The following CADM2 variants were observed in gnomAD, a reference collection of about 807,000 sequenced individuals.
The protein encoded by CADM2 is cell adhesion molecule 2.
CADM2 carries 12 observed loss-of-function variants against 49.8 expected under a neutral mutation model. The ratio of observed to expected loss-of-function variants is 0.24; its 90% confidence interval spans 0.15 to 0.39. The LOEUF is 0.39. CADM2 is among the 10% of genes least tolerant of loss of function. The pLI is 1.00. For missense variants in CADM2, 378 were observed against 492.3 expected (o/e 0.77, Z 2.20); for synonymous variants, 214 against 175.4 (o/e 1.22, Z -1.74).
chr3:85,328,605 G>T (rs2044820464), intron 1 of CADM2, among the ~76,000 whole-genome samples: 1 of 152,078 alleles, frequency 6.6e-6, no homozygotes, highest in African/African-American at 2.4e-5. Flanking sequence ...TTAATACAAA[G>T]ATTTCCTCAA....
chr3:85,487,602 TGGA>T (rs893286825), intron 1 of CADM2, among the ~76,000 whole-genome samples: 6 of 116,258 alleles, frequency 5.2e-5, no homozygotes, highest in Non-Finnish European at 7.4e-5. Flanking sequence ...AAGGAGGAAG[TGGA>T]GGAGGAGGAG....
intron 1 of CADM2, among the ~76,000 whole-genome samples, chr3:85,008,736 A>C (rs1477770103): frequency 6.6e-6 from 1 of 152,054 alleles, no homozygotes; most frequent in African/African-American, 2.4e-5. Context: ...ACATATATAA[A>C]GAGTCATATA....
At chr3:85,342,964 T>C (rs2030074892) in intron 1 of CADM2, among the ~76,000 whole-genome samples, 1 of 152,208 alleles carries the variant, frequency 6.6e-6, no homozygotes, top group African/African-American at 2.4e-5. Flanking sequence ...TAAATTAGTA[T>C]TAATGTCTAA....
At chr3:85,101,570 TCAAA>T (rs2038014170) in intron 1 of CADM2, among the ~76,000 whole-genome samples, 2 of 152,316 alleles carry the variant, frequency 1.3e-5, no homozygotes, top group South Asian at 4.1e-4. Context: ...ACTAAAATCA[TCAAA>T]CATACTGGAT....
At chr3:85,510,970 A>G (rs2106836900) in intron 1 of CADM2, among the ~76,000 whole-genome samples, 1 of 152,236 alleles carries the variant, frequency 6.6e-6, no homozygotes, top group African/African-American at 2.4e-5. Flanking sequence ...GTTATACAAG[A>G]GTAAGCAGTT....
intron 1 of CADM2, among the ~76,000 whole-genome samples, chr3:85,419,155 G>A (rs1364516057): frequency 1.3e-5 from 2 of 152,114 alleles, no homozygotes; most frequent in South Asian, 4.1e-4. Flanking sequence ...CACATTCTTT[G>A]AATAAAACAT....
Position 85,027,109 on chromosome 3 carries a change from C to CTT in CADM2, c.61+67463_61+67464dup, listed in dbSNP as rs1160735135. Among the ~76,000 whole-genome samples the CTT allele has an allele frequency of 6.1e-4, 34 of 55,682 alleles. 3 individuals are homozygous for CTT. The highest frequency in any genetic ancestry group is 8.8e-4 in the African/African-American group (9 of 10,266). The allele number at this position is 55,682 out of a possible 152,430, so 36.5% of individuals were successfully genotyped here. Reference sequence around the variant, plus strand: ...TGGTTGTTGTTGCTTTTTCTTTTTCCTTTTTTTTTTTTTTTTTTTTTTTAA... The same window carrying CTT: ...TGGTTGTTGTTGCTTTTTCTTTTTCCTTTTTTTTTTTTTTTTTTTTTTTTTAA... On this transcript the variant is annotated intron_variant, in intron 1 of 9. Transcript: ENST00000383699.
chr3:86,064,889 T>C (rs906283161), intron 8 of CADM2, among the ~76,000 whole-genome samples: 1 of 152,232 alleles, frequency 6.6e-6, no homozygotes, highest in African/African-American at 2.4e-5. Flanking sequence ...TCCACCGGCA[T>C]CTAAATCTTG....
At chr3:85,329,843 A>G (rs982898847) in intron 1 of CADM2, among the ~76,000 whole-genome samples, 2 of 152,086 alleles carry the variant, frequency 1.3e-5, no homozygotes, top group African/African-American at 4.8e-5. Flanking sequence ...TGACAATCTA[A>G]AAGTGACAGT....
intron 1 of CADM2, among the ~76,000 whole-genome samples, chr3:85,059,025 G>T (rs2036199451): frequency 6.6e-6 from 1 of 151,834 alleles, no homozygotes; most frequent in African/African-American, 2.4e-5. Context: ...GGATCATGAG[G>T]TCAGGAGATT....
At chr3:85,743,013 A>G (rs534591110) in intron 2 of CADM2, among the ~76,000 whole-genome samples, 6 of 152,242 alleles carry the variant, frequency 3.9e-5, no homozygotes, top group African/African-American at 1.4e-4. Context: ...TCTGCAATTT[A>G]TGGACTGAGC....
intron 1 of CADM2, among the ~76,000 whole-genome samples, chr3:85,251,717 A>T (rs2042778044): frequency 6.6e-6 from 1 of 151,982 alleles, no homozygotes; most frequent in African/African-American, 2.4e-5. Context: ...TATATAGATC[A>T]TCCTATCACT....
At chr3:86,047,763 C>A (rs1177617548) in intron 8 of CADM2, among the ~76,000 whole-genome samples, 6 of 152,086 alleles carry the variant, frequency 3.9e-5, no homozygotes, top group Non-Finnish European at 5.9e-5. Context: ...GTAAAATTAA[C>A]CAAAACACCA....
intron 1 of CADM2, among the ~76,000 whole-genome samples, chr3:85,673,835 A>G (rs2065817760): frequency 6.6e-6 from 1 of 152,172 alleles, no homozygotes; most frequent in Admixed American, 6.6e-5. Flanking sequence ...AATTTGTGAG[A>G]TACTGGGATG....
At chr3:85,459,750 G>A (rs1043798529) in intron 1 of CADM2, among the ~76,000 whole-genome samples, 3 of 152,038 alleles carry the variant, frequency 2.0e-5, no homozygotes, top group Non-Finnish European at 4.4e-5. Flanking sequence ...TGCCATTCAT[G>A]GCTTGCCTTT....
At chr3:85,003,785 A>G (rs1019388188) in intron 1 of CADM2, among the ~76,000 whole-genome samples, 2 of 152,156 alleles carry the variant, frequency 1.3e-5, no homozygotes, top group East Asian at 1.9e-4. Flanking sequence ...CCCTATTTTT[A>G]AAGTATTAGT....
chr3:85,236,089 T>C (rs1221962767), intron 1 of CADM2, among the ~76,000 whole-genome samples: 1 of 152,086 alleles, frequency 6.6e-6, no homozygotes, highest in African/African-American at 2.4e-5. Context: ...TGGATGATGT[T>C]ATTCTCAGGA....
chr3:85,558,780 A>G (rs552252376), intron 1 of CADM2, among the ~76,000 whole-genome samples: 1 of 152,160 alleles, frequency 6.6e-6, no homozygotes, highest in Admixed American at 6.5e-5. Context: ...TGGCATCTTA[A>G]CCCCATCCAT....
intron 7 of CADM2, among the ~76,000 whole-genome samples, chr3:85,937,570 A>C (rs9812103): frequency 0.22 from 32,898 of 151,770 alleles, 4,039 homozygotes; most frequent in African/African-American, 0.34. Flanking sequence ...TCAATTGCTA[A>C]ATGTAAATTT....
Sources: gnomAD v4.1 joint callset for allele counts (sites outside exome capture counted in the v4.1 genomes callset) on GRCh38, gnomAD v4.1.1 for gene constraint, MANE v1.5 for transcripts, NCBI Gene and HGNC (gene_info 2026-07-23, HGNC 2026-07-21) for gene names.